CYP19A1: variants seen among roughly 807,000 people sequenced by gnomAD.
CYP19A1 encodes cytochrome P450 family 19 subfamily A member 1, also known as aromatase.
In CYP19A1, 32 loss-of-function variants were observed where a neutral mutation model predicts 44.4. That is an observed-to-expected ratio of 0.72 (90% CI 0.54 to 0.97). CYP19A1 has a LOEUF of 0.97. Ranked by LOEUF, CYP19A1 falls within the 50% of genes least tolerant of loss-of-function variation. The pLI, the probability that CYP19A1 is intolerant of heterozygous loss-of-function variation, is 0.00. For missense variants in CYP19A1, 598 were observed against 637.8 expected (o/e 0.94, Z 0.67); for synonymous variants, 212 against 215.6 (o/e 0.98, Z 0.14).
rs2030691539 is a variant in CYP19A1, at chr15:51,209,269, G to GC, written c.*1538dup. 1 of 152,166 alleles carries GC rather than the reference G, an allele frequency of 6.6e-6. No individual in the cohort carries two copies. The allele number at this position is 152,166 out of a possible 1,614,324, so 9.4% of individuals were successfully genotyped here. ...CTGCATCAGTTGGGAGTATCTCTGA[G>GC]CAGGAATGTCTATTCAGAACTGAGC... is the stretch of plus-strand genomic sequence containing the variant. On this transcript the variant is annotated 3_prime_UTR_variant, in exon 10 of 10. Transcript: ENST00000396402.
intron 5 of CYP19A1, chr15:51,221,910 T>A: frequency 5.2e-6 from 1 of 194,132 alleles, no homozygotes; most frequent in East Asian, 1.2e-4. Flanking sequence ...ATAGGCACAA[T>A]GTTTTCATGT....
At chr15:51,224,000 G>T (rs905860472) in intron 4 of CYP19A1, among the ~76,000 whole-genome samples, 1 of 152,144 alleles carries the variant, frequency 6.6e-6, no homozygotes, top group Non-Finnish European at 1.5e-5. Flanking sequence ...ATAGGCAGTG[G>T]TATGATGTAG....
Position 51,313,478 on chromosome 15 carries a change from G to A in CYP19A1, c.-39+25017C>T, listed in dbSNP as rs1018030705. ...GGTAGCATGCAGAGCCCTTGCTCAC[G>A]TTTGGACCTCGGTTTTCCCATCTAT... is the stretch of plus-strand genomic sequence containing the variant. On this transcript the variant is annotated intron_variant, in intron 1 of 9. Coordinates refer to ENST00000396402, the MANE Select transcript of CYP19A1 (RefSeq NM_000103.4). 5.3e-5 allele frequency among the ~76,000 whole-genome samples: 8 copies of A among 152,118 alleles called. No individual in the cohort carries two copies. In the East Asian group the frequency reaches 1.2e-3, roughly 22 times the overall value.
At position 51,338,487 on chromosome 15, in the gene CYP19A1, A is replaced by T. The variant is rs952607476; in HGVS notation, c.-39+8T>A. On this transcript the variant is annotated splice_region_variant and intron_variant, in intron 1 of 9. Coordinates refer to ENST00000396402, the MANE Select transcript of CYP19A1 (RefSeq NM_000103.4). ...GTTGAGGGCTCAGTCAGATTAAGAG[A>T]TACATACGCGACGTCTGGAAGATCC... 1.3e-5 allele frequency: 2 copies of T among 152,142 alleles called. No homozygotes were observed. Among genetic ancestry groups the T allele is most frequent in the African/African-American group, 4.8e-5 (2 of 41,422 alleles). The allele number at this position is 152,142 out of a possible 1,614,324, so 9.4% of individuals were successfully genotyped here.
chr15:51,291,095 T>C lies in CYP19A1; in HGVS notation c.-39+47400A>G, dbSNP rs28524029. On this transcript the variant is annotated intron_variant, in intron 1 of 9. Transcript: ENST00000396402. ...CCATGTGATTGAGCCATCCTAAGTTTGGCAGAAAACTAGGTTTGAGGCAGA... is the reference window on the plus strand; with the variant it reads ...CCATGTGATTGAGCCATCCTAAGTTCGGCAGAAAACTAGGTTTGAGGCAGA... Among the ~76,000 whole-genome samples, 1,254 of 152,286 alleles carry C rather than the reference T, an allele frequency of 8.2e-3. 16 individuals are homozygous for C. Among genetic ancestry groups the C allele is most frequent in the African/African-American group, 0.029 (1,194 of 41,552 alleles).
rs57266263 is a variant in CYP19A1, at chr15:51,247,465, TTTTA to T, written c.-38-4519_-38-4516del. Among the ~76,000 whole-genome samples the T allele has an allele frequency of 5.7e-5, 8 of 139,640 alleles. No individual in the cohort carries two copies. The South Asian group carries it at 1.5e-3, about 26-fold the overall frequency. The allele number at this position is 139,640 out of a possible 152,430, so 91.6% of individuals were successfully genotyped here. On this transcript the variant is annotated intron_variant, in intron 1 of 9. Transcript: ENST00000396402. ...CCTGTCCTTACTTTTTTATTTTTAT[TTTTA>T]TTTATTTATTTATTTATTGAGACAG...
At chr15:51,261,854 G>A (rs909212561) in intron 1 of CYP19A1, among the ~76,000 whole-genome samples, 1 of 152,156 alleles carries the variant, frequency 6.6e-6, no homozygotes, top group Non-Finnish European at 1.5e-5. Flanking sequence ...AAGCAGTAGA[G>A]TCTTCAGGTT....
intron 1 of CYP19A1, among the ~76,000 whole-genome samples, chr15:51,282,254 C>T (rs529219476): frequency 6.6e-6 from 1 of 152,246 alleles, no homozygotes; most frequent in East Asian, 1.9e-4. Context: ...TGGGAAAAAG[C>T]TGAGTGTTGG....
At position 51,338,511 on chromosome 15, in the gene CYP19A1, C is replaced by T. The variant is rs2036813782; in HGVS notation, c.-55G>A. Reference sequence around the variant, plus strand: ...GATACATACGCGACGTCTGGAAGATCCCGAGCACAGGACCTTCCGTCCTGA... The same window carrying T: ...GATACATACGCGACGTCTGGAAGATTCCGAGCACAGGACCTTCCGTCCTGA... On this transcript the variant is annotated 5_prime_UTR_variant, in exon 1 of 10. Coordinates refer to ENST00000396402, the MANE Select transcript of CYP19A1 (RefSeq NM_000103.4). 1 of 152,192 alleles carries T rather than the reference C, an allele frequency of 6.6e-6. No individual in the cohort carries two copies. Among genetic ancestry groups the T allele is most frequent in the Non-Finnish European group, 1.5e-5 (1 of 68,054 alleles). 9.4% of individuals were successfully genotyped at this position (152,192 alleles called of 1,614,324 possible). A position where few individuals can be genotyped will look rare whatever the true frequency, so the allele number is the denominator to read the frequency against.
At chr15:51,253,995 G>C (rs578119003) in intron 1 of CYP19A1, among the ~76,000 whole-genome samples, 3 of 152,262 alleles carry the variant, frequency 2.0e-5, no homozygotes, top group African/African-American at 4.8e-5. Flanking sequence ...AAAATGAAGA[G>C]GCTAGATTTG....
At chr15:51,324,509 A>G (rs1162800565) in intron 1 of CYP19A1, among the ~76,000 whole-genome samples, 1 of 152,260 alleles carries the variant, frequency 6.6e-6, no homozygotes, top group African/African-American at 2.4e-5. Context: ...CTGTGTGACA[A>G]CATAACAGAC....
At chr15:51,306,577 C>G (rs1221884317) in intron 1 of CYP19A1, among the ~76,000 whole-genome samples, 30 of 151,984 alleles carry the variant, frequency 2.0e-4, no homozygotes, top group Admixed American at 1.9e-3. Flanking sequence ...TCTCAAGGGC[C>G]CTAAATCCCC....
chr15:51,233,579 T>C (rs1276606741), intron 3 of CYP19A1, among the ~76,000 whole-genome samples: 1 of 152,190 alleles, frequency 6.6e-6, no homozygotes, highest in African/African-American at 2.4e-5. Flanking sequence ...TCTCAGTAAA[T>C]GTATATTCAC....
chr15:51,308,910 G>A (rs909270712), intron 1 of CYP19A1, among the ~76,000 whole-genome samples: 3 of 152,276 alleles, frequency 2.0e-5, no homozygotes, highest in East Asian at 1.9e-4. Context: ...ACTTGTGCTC[G>A]CTAAATGGCT....
At chr15:51,237,113 C>G (rs2033450748) in intron 2 of CYP19A1, 104 bp from the exon 3 acceptor site, 1 of 1,256,390 alleles carries the variant, frequency 8.0e-7, no homozygotes, top group African/African-American at 1.5e-5. Context: ...GTGTTCTTTA[C>G]ATGTGATGTA....
At chr15:51,279,139 G>T (rs936532936) in intron 1 of CYP19A1, 4 of 152,342 alleles carry the variant, frequency 2.6e-5, no homozygotes, top group African/African-American at 9.6e-5. Context: ...TGGGTGAGAA[G>T]AAAGCAAGCA....
intron 3 of CYP19A1, among the ~76,000 whole-genome samples, chr15:51,229,603 T>C (rs917598266): frequency 1.3e-5 from 2 of 152,110 alleles, no homozygotes; most frequent in Non-Finnish European, 2.9e-5. Context: ...CTTCCATTTG[T>C]ATTCTGGGGA....
chr15:51,235,172 A>G (rs2033310030), intron 3 of CYP19A1, among the ~76,000 whole-genome samples: 1 of 152,230 alleles, frequency 6.6e-6, no homozygotes, highest in Non-Finnish European at 1.5e-5. Context: ...TCAAGAACGT[A>G]TCATAGTCAC....
rs1340565699 is a variant in CYP19A1 at position 51,212,530 on chromosome 15, T to C, written c.1053A>G (p.Gln351=). 6.6e-7 allele frequency: 1 copy of C among 1,507,748 alleles called. No homozygotes were observed. Among genetic ancestry groups the C allele is most frequent in the Non-Finnish European group, 9.2e-7 (1 of 1,083,026 alleles). The allele number at this position is 1,507,748 out of a possible 1,614,324, so 93.4% of individuals were successfully genotyped here. ...GERDIKIDDI[Q]KLKVMENFIY... ...TGAAGTTTTCCATCACTTTTAATTT[T>C]TGTATATCATCAATCTTTATGTCTC... Residue 351 remains glutamine, a synonymous_variant, in exon 9 of 10, where the codon CAA becomes CAG. Transcript: ENST00000396402.
Sources: allele counts gnomAD v4.1 joint callset (sites outside exome capture counted in the v4.1 genomes callset), GRCh38; gene constraint gnomAD v4.1.1; transcripts MANE v1.5; gene names NCBI Gene and HGNC (gene_info 2026-07-23, HGNC 2026-07-21).